The following TP63 variants were observed in gnomAD, a reference collection of about 807,000 sequenced individuals.
TP63 encodes tumor protein 63.
Under a neutral mutation model 82.8 loss-of-function variants are expected in TP63, and 17 were observed. That is an observed-to-expected ratio of 0.21 (90% CI 0.14 to 0.31). TP63 has a LOEUF of 0.31. TP63 is among the 10% of genes least tolerant of loss of function. TP63 has a pLI of 1.00. For missense variants in TP63, 648 were observed against 895.3 expected, an observed-to-expected ratio of 0.72 and a Z score of 3.52; for synonymous variants, 330 against 321.7, an observed-to-expected ratio of 1.03 and a Z score of -0.28.
intron 3 of TP63, among the ~76,000 whole-genome samples, chr3:189,775,269 T>G (rs1034914217): frequency 4.0e-5 from 6 of 151,738 alleles, no homozygotes; most frequent in African/African-American, 1.5e-4. Context: ...AAAATTGACT[T>G]GTAAACTACA....
chr3:189,662,035 G>A lies in TP63; in HGVS notation c.62+30458G>A, dbSNP rs554115601. ...AATAATTTTTGGTTTTGTTGATTCT[G>A]TGGGTGAATTTTGGGGTCTCAAGTT... On this transcript the variant is annotated intron_variant, in intron 1 of 13. Transcript: ENST00000264731. 3.9e-5 allele frequency among the ~76,000 whole-genome samples: 6 copies of A among 151,970 alleles called. No individual in the cohort carries two copies. The South Asian group carries it at 1.2e-3, about 32-fold the overall frequency.
At chr3:189,815,300 C>T (rs1181179698) in intron 4 of TP63, among the ~76,000 whole-genome samples, 1 of 151,984 alleles carries the variant, frequency 6.6e-6, no homozygotes, top group Non-Finnish European at 1.5e-5. Flanking sequence ...TTTCATGTAA[C>T]AAATCACTTT....
chr3:189,694,891 C>T (rs936578571), intron 1 of TP63, among the ~76,000 whole-genome samples: 1 of 131,366 alleles, frequency 7.6e-6, no homozygotes, highest in African/African-American at 2.8e-5. Flanking sequence ...CTGCAACCTC[C>T]AACTCCTGGT....
At chr3:189,828,232 C>T (rs1219136886) in intron 4 of TP63, among the ~76,000 whole-genome samples, 2 of 147,982 alleles carry the variant, frequency 1.4e-5, no homozygotes, top group East Asian at 3.9e-4. Context: ...CAGAGCGAGA[C>T]TCCATCTCAA....
At chr3:189,869,489 T>A (rs1042379805) in intron 9 of TP63, 83 bp downstream of exon 9, 9 of 1,215,012 alleles carry the variant, frequency 7.4e-6, no homozygotes, top group Middle Eastern at 1.9e-4. Context: ...CATCTCATTA[T>A]CTGTGACAAT....
At chr3:189,624,204 A>G in the TP63 span, among the ~76,000 whole-genome samples, 4 of 152,148 alleles carry the variant, frequency 2.6e-5, no homozygotes, top group African/African-American at 7.2e-5. Flanking sequence ...TTTTAAGTGT[A>G]CAGTTTCATA....
At chr3:189,728,521 A>T (rs1047853204) in intron 1 of TP63, among the ~76,000 whole-genome samples, 7 of 152,204 alleles carry the variant, frequency 4.6e-5, no homozygotes, top group Admixed American at 3.3e-4. Flanking sequence ...GGATTATGTA[A>T]AAGGTCAATC....
chr3:189,742,349 T>C, intron 3 of TP63, among the ~76,000 whole-genome samples: 1 of 151,486 alleles, frequency 6.6e-6, no homozygotes, highest in East Asian at 1.9e-4. Context: ...TAGATAATAA[T>C]ATTAACACTT....
the TP63 span, among the ~76,000 whole-genome samples, chr3:189,610,611 A>G: frequency 1.3e-5 from 2 of 152,184 alleles, no homozygotes; most frequent in Non-Finnish European, 2.9e-5. Context: ...GTCTCTAGGA[A>G]GTTCCAAACT....
At chr3:189,649,530 C>T (rs1320422112) in intron 1 of TP63, among the ~76,000 whole-genome samples, 3 of 146,476 alleles carry the variant, frequency 2.0e-5, no homozygotes, top group Admixed American at 6.7e-5. Flanking sequence ...GAGTGCTAGG[C>T]TTAATACCTG....
In TP63 at chr3:189,886,534, A is replaced by T. The variant is rs1720464955; in HGVS notation, c.1490A>T (p.Asp497Val). 1 of 1,614,092 alleles carries T rather than the reference A, an allele frequency of 6.2e-7. No individual in the cohort carries two copies. The highest frequency in any genetic ancestry group is 8.5e-7 in the Non-Finnish European group (1 of 1,180,006). Residue 497 changes from aspartate to valine, a missense_variant, in exon 11 of 14, where the codon GAT becomes GTT. Asp to Val is a radical substitution (Grantham distance 152, BLOSUM62 -3). This residue lies in a region of TP63 where 342 missense variants were observed against 425.7 expected (regional missense o/e 0.80). Transcript: ENST00000264731. ...GCCCTCACTCCTACAACCATTCCTG[A>T]TGGCATGGGAGCCAACAGTAAGAGC... ...RNALTPTTIP[D>V]GMGANIPMMG...
rs1314065581 is a variant in TP63, at chr3:189,894,764, G to A, written c.*262G>A. 2.0e-6 allele frequency: 1 copy of A among 501,602 alleles called. No homozygotes were observed. Among genetic ancestry groups the A allele is most frequent in the Non-Finnish European group, 3.6e-6 (1 of 277,542 alleles). The allele number at this position is 501,602 out of a possible 1,614,324, so 31.1% of individuals were successfully genotyped here. A position where few individuals can be genotyped will look rare whatever the true frequency, so the allele number is the denominator to read the frequency against. ...AGAAGTGAGCAAAAAAGAGTTGGGT[G>A]TCTCCTTAAGCTGCAGAGATTTCTC... On this transcript the variant is annotated 3_prime_UTR_variant, in exon 14 of 14. Transcript: ENST00000264731.
chr3:189,879,949 A>G (rs968905572), intron 10 of TP63: 20 of 1,369,124 alleles, frequency 1.5e-5, no homozygotes, highest in South Asian at 9.8e-5. Context: ...CAGGCACTCT[A>G]TTCTGTCTAT....
At chr3:189,679,302 G>A (rs1305759575) in intron 1 of TP63, among the ~76,000 whole-genome samples, 1 of 151,672 alleles carries the variant, frequency 6.6e-6, no homozygotes, top group African/African-American at 2.4e-5. Flanking sequence ...GCTTTTTTTT[G>A]TATTTTTTAT....
chr3:189,683,181 A>G (rs1034622683), intron 1 of TP63, among the ~76,000 whole-genome samples: 4 of 152,136 alleles, frequency 2.6e-5, no homozygotes, highest in Non-Finnish European at 5.9e-5. Context: ...TGCCTAAAGG[A>G]TTCATCATAT....
rs938084061 is a variant in TP63 at position 189,869,424 on chromosome 3, G to A, written c.1212+18G>A. The A allele has an allele frequency of 1.2e-6, 2 of 1,607,740 alleles. No homozygotes were observed. The highest frequency in any genetic ancestry group is 1.7e-5 in the Admixed American group (1 of 59,876). On this transcript the variant is annotated intron_variant, in intron 9 of 13. Transcript: ENST00000264731. ...ACTTACCAGTAGGTCTTCCTTGGGT[G>A]TTCATGGTTGCTTCATTTTAACCTT...
intron 3 of TP63, chr3:189,789,793 C>A (rs778830545): frequency 1.3e-6 from 2 of 1,594,066 alleles, no homozygotes; most frequent in South Asian, 2.3e-5. Flanking sequence ...ATCAATCTTA[C>A]AGCTAACATG....
chr3:189,634,473 C>T (rs547930641), intron 1 of TP63, among the ~76,000 whole-genome samples: 5 of 14,092 alleles, frequency 3.5e-4, no homozygotes, highest in Non-Finnish European at 3.1e-3. Flanking sequence ...GGACTTCATC[C>T]TCTGTTTTTT....
At chr3:189,637,415 C>T (rs1479532584) in intron 1 of TP63, among the ~76,000 whole-genome samples, 1 of 152,106 alleles carries the variant, frequency 6.6e-6, no homozygotes, top group Admixed American at 6.6e-5. Context: ...CCTCAAGTTC[C>T]ACTTTATATC....
Sources: gnomAD v4.1 joint callset for allele counts (sites outside exome capture counted in the v4.1 genomes callset) on GRCh38, gnomAD v4.1.1 for gene constraint, gnomAD v4.1.1 regional missense constraint, MANE v1.5 for transcripts, NCBI Gene and HGNC (gene_info 2026-07-23, HGNC 2026-07-21) for gene names.